Variants in CCDC85A observed in about 807,000 individuals in gnomAD.
The protein encoded by CCDC85A is coiled-coil domain containing 85A.
Under a neutral mutation model 50.2 loss-of-function variants are expected in CCDC85A, and 38 were observed. The ratio of observed to expected loss-of-function variants is 0.76; its 90% CI spans 0.58 to 0.99. The LOEUF (loss-of-function observed/expected upper bound fraction) is 0.99. Among genes scored for constraint, CCDC85A ranks in the 50% least tolerant of loss-of-function variants. The pLI is 0.00. For synonymous variants in CCDC85A, 366 were observed against 301.4 expected (o/e 1.21, Z -2.22); for missense variants, 820 against 742.0 (o/e 1.11, Z -1.22).
intron 2 of CCDC85A, among the ~76,000 whole-genome samples, chr2:56,198,032 T>C (rs1237014729): frequency 0.015 from 2 of 132 alleles, no homozygotes; most frequent in African/African-American, 0.042. Flanking sequence ...TCTCCCACTT[T>C]GTGGTTTCAC....
chr2:56,274,276 G>A (rs965286536), intron 2 of CCDC85A, among the ~76,000 whole-genome samples: 5 of 152,170 alleles, frequency 3.3e-5, no homozygotes, highest in African/African-American at 1.2e-4. Flanking sequence ...GTATGTGTGT[G>A]TATATATGTG....
At chr2:56,383,082 G>A (rs116220220) in intron 5 of CCDC85A, among the ~76,000 whole-genome samples, 3 of 151,958 alleles carry the variant, frequency 2.0e-5, no homozygotes, top group African/African-American at 7.2e-5. Context: ...CTCCTTTTGA[G>A]TACAATGGGA....
chr2:56,222,858 A>G (rs1215377054), intron 2 of CCDC85A, among the ~76,000 whole-genome samples: 1 of 152,164 alleles, frequency 6.6e-6, no homozygotes, highest in Non-Finnish European at 1.5e-5. Context: ...TCTACTCAAA[A>G]TCATTTTTGG....
Position 56,268,379 on chromosome 2 carries a change from C to T in CCDC85A, c.1241-74500C>T, listed in dbSNP as rs549346656. Among the ~76,000 whole-genome samples the T allele has an allele frequency of 7.5e-4, 114 of 152,124 alleles. 1 individual carries two copies. The highest frequency in any genetic ancestry group is 1.3e-3 in the Non-Finnish European group (89 of 67,986). On this transcript the variant is annotated intron_variant, in intron 2 of 5. Transcript: ENST00000407595. ...TTGGGAGGCCAGCACTTTGGGCTGA[C>T]GTCAGGAGATCGAGACCATTGTGGC...
At chr2:56,319,905 A>G (rs1673091265) in intron 2 of CCDC85A, among the ~76,000 whole-genome samples, 1 of 152,184 alleles carries the variant, frequency 6.6e-6, no homozygotes, top group Non-Finnish European at 1.5e-5. Flanking sequence ...ACTCCTCTGC[A>G]AATGTAAAAG....
intron 3 of CCDC85A, among the ~76,000 whole-genome samples, chr2:56,350,358 G>A (rs997171562): frequency 6.6e-6 from 1 of 152,042 alleles, no homozygotes; most frequent in Admixed American, 6.5e-5. Flanking sequence ...ATCACTTGAG[G>A]TTAGGAGTTC....
chr2:56,284,463 T>A (rs1218091819), intron 2 of CCDC85A, among the ~76,000 whole-genome samples: 1 of 152,000 alleles, frequency 6.6e-6, no homozygotes, highest in Non-Finnish European at 1.5e-5. Flanking sequence ...ACCTCAGCCT[T>A]CCAGATTCAA....
At chr2:56,234,259 A>G (rs1241592782) in intron 2 of CCDC85A, among the ~76,000 whole-genome samples, 1 of 152,122 alleles carries the variant, frequency 6.6e-6, no homozygotes, top group Non-Finnish European at 1.5e-5. Flanking sequence ...CATCTTGATC[A>G]TGCCATGTAT....
rs1419210283 is a variant in CCDC85A, at chr2:56,356,829, G to A, written c.1317+13874G>A. ...TCATGCCTGTAATCCCAGCGCTTTG[G>A]GAGGCCGAGGCTTGTGGATCACGAG... is the stretch of plus-strand genomic sequence containing the variant. On this transcript the variant is annotated intron_variant, in intron 3 of 5. Transcript: ENST00000407595. Among the ~76,000 whole-genome samples the A allele has an allele frequency of 1.7e-4, 25 of 151,200 alleles. 1 individual carries two copies. Among genetic ancestry groups the A allele is most frequent in the Admixed American group, 1.6e-3 (25 of 15,180 alleles).
intron 2 of CCDC85A, among the ~76,000 whole-genome samples, chr2:56,327,379 T>C (rs1250689727): frequency 6.6e-6 from 1 of 152,092 alleles, no homozygotes; most frequent in Non-Finnish European, 1.5e-5. Context: ...ACTTCCAACC[T>C]AGAGCTGTTT....
intron 2 of CCDC85A, among the ~76,000 whole-genome samples, chr2:56,237,806 C>A (rs1258440760): frequency 6.6e-6 from 1 of 151,138 alleles, no homozygotes; most frequent in Non-Finnish European, 1.5e-5. Context: ...AATATAGTGT[C>A]ATTTCTTTTG....
At chr2:56,303,619 T>C (rs573767758) in intron 2 of CCDC85A, among the ~76,000 whole-genome samples, 28 of 152,242 alleles carry the variant, frequency 1.8e-4, no homozygotes, top group Non-Finnish European at 2.2e-4. Context: ...GAATGAGGAA[T>C]TGGTCCTTAT....
intron 3 of CCDC85A, among the ~76,000 whole-genome samples, chr2:56,368,210 T>C (rs887399988): frequency 6.6e-6 from 1 of 152,202 alleles, no homozygotes; most frequent in Non-Finnish European, 1.5e-5. Flanking sequence ...ATTGAATAGA[T>C]TCTTTAGTTA....
intron 3 of CCDC85A, 140 bp from the exon 4 acceptor site, chr2:56,372,204 C>A: frequency 1.4e-6 from 1 of 717,390 alleles, no homozygotes; most frequent in Non-Finnish European, 2.0e-6. Context: ...TTATTTTTTC[C>A]CTAGCTACAG....
At chr2:56,320,244 C>A (rs1558639287) in intron 2 of CCDC85A, among the ~76,000 whole-genome samples, 1 of 151,898 alleles carries the variant, frequency 6.6e-6, no homozygotes, top group Non-Finnish European at 1.5e-5. Flanking sequence ...GAAGCAAGAG[C>A]AAACACATTC....
At chr2:56,197,953 A>G (rs72917045) in intron 2 of CCDC85A, among the ~76,000 whole-genome samples, 4,839 of 152,000 alleles carry the variant, frequency 0.032, 249 homozygotes, top group African/African-American at 0.11. Flanking sequence ...TTTACGGCGG[A>G]TGTCGGTGAC....
chr2:56,321,335 A>G (rs913888661), intron 2 of CCDC85A, among the ~76,000 whole-genome samples: 6 of 152,176 alleles, frequency 3.9e-5, no homozygotes, highest in African/African-American at 1.4e-4. Context: ...CAGTTAGGAA[A>G]AGAGAAAGTC....
At chr2:56,209,479 T>G (rs1677099004) in intron 2 of CCDC85A, among the ~76,000 whole-genome samples, 1 of 150,728 alleles carries the variant, frequency 6.6e-6, no homozygotes, top group Admixed American at 6.6e-5. Flanking sequence ...TATGCAAAAC[T>G]TCTGCTGAAT....
intron 2 of CCDC85A, among the ~76,000 whole-genome samples, chr2:56,223,173 A>G (rs988837984): frequency 2.0e-5 from 3 of 152,156 alleles, no homozygotes; most frequent in African/African-American, 7.2e-5. Context: ...TGCTTTGAAG[A>G]GAAGAGTTTT....
Sources: allele counts gnomAD v4.1 joint callset (sites outside exome capture counted in the v4.1 genomes callset), GRCh38; gene constraint gnomAD v4.1.1; transcripts MANE v1.5; gene names NCBI Gene and HGNC (gene_info 2026-07-23, HGNC 2026-07-21).